Variants in GCM2 observed in about 807,000 individuals in gnomAD.
The protein encoded by GCM2 is chorion-specific transcription factor GCMb.
Under a neutral mutation model 24.8 loss-of-function variants are expected in GCM2, and 21 were observed. That is an observed-to-expected ratio of 0.85 (90% CI 0.60 to 1.22). The LOEUF is 1.22. Ranked by LOEUF, GCM2 falls within the 50% of genes most tolerant of loss-of-function variation. The pLI, the probability that GCM2 is intolerant of heterozygous loss-of-function variation, is 0.00. For synonymous variants in GCM2, 222 were observed against 238.0 expected (o/e 0.93, Z 0.62); for missense variants, 532 against 645.6 (o/e 0.82, Z 1.91).
Position 10,874,875 on chromosome 6 carries a change from G to T in GCM2, c.641C>A (p.Pro214Gln). The part of the protein sequence containing the change: ...HFSNIPPLEN[P>Q]EDFDIVTETS... The stretch of plus-strand genomic sequence containing the variant: ...TTCAGTAACTATATCAAAGTCTTCT[G>T]GATTTTCCAAGGGAGGTATGTTGCT... The change falls in exon 5 of 5, where the codon CCA becomes CAA. Residue 214 changes from proline to glutamine, a missense_variant. Pro to Gln is a moderately conservative substitution (Grantham distance 76, BLOSUM62 -1). Transcript: ENST00000379491. 1 of 1,614,026 alleles carries T rather than the reference G, an allele frequency of 6.2e-7. No homozygotes were observed. The highest frequency in any genetic ancestry group is 1.7e-5 in the Admixed American group (1 of 60,012).
In GCM2 at chr6:10,881,875, T is replaced by C. The variant is rs1023021725; in HGVS notation, c.-82A>G. 62 of 1,105,746 alleles carry C rather than the reference T, an allele frequency of 5.6e-5. 1 individual carries two copies. In the African/African-American group the frequency reaches 7.5e-4, roughly 13 times the overall value. The allele number at this position is 1,105,746 out of a possible 1,614,324, so 68.5% of individuals were successfully genotyped here. A position where few individuals can be genotyped will look rare whatever the true frequency, so the allele number is the denominator to read the frequency against. On this transcript the variant is annotated 5_prime_UTR_variant, in exon 1 of 5. Transcript: ENST00000379491. Reference sequence around the variant, plus strand: ...ACAGGTGCGCCAGGTGGGTTTTTTTTCTTCTCTTTAAAGAAGAAAGTGGGG... The same window carrying C: ...ACAGGTGCGCCAGGTGGGTTTTTTTCCTTCTCTTTAAAGAAGAAAGTGGGG...
intron 1 of GCM2, among the ~76,000 whole-genome samples, chr6:10,879,871 A>G (rs1355582543): frequency 1.3e-5 from 2 of 152,234 alleles, no homozygotes; most frequent in Non-Finnish European, 2.9e-5. Context: ...GAAGATGTAC[A>G]TGGACAGAAA....
At chr6:10,880,752 T>C (rs548675513) in intron 1 of GCM2, among the ~76,000 whole-genome samples, 2 of 152,332 alleles carry the variant, frequency 1.3e-5, no homozygotes, top group South Asian at 4.1e-4. Flanking sequence ...TTGCTTGTCA[T>C]TAGAGAAGAA....
intron 1 of GCM2, among the ~76,000 whole-genome samples, 192 bp downstream of exon 1, chr6:10,881,512 C>T (rs116663538): frequency 0.014 from 2,082 of 151,014 alleles, 52 homozygotes; most frequent in African/African-American, 0.047. Flanking sequence ...AGTTTTCTTT[C>T]TACACTTGAG....
Position 10,877,210 on chromosome 6 carries a change from G to C in GCM2, c.273C>G (p.Cys91Trp). 6.2e-7 allele frequency: 1 copy of C among 1,614,132 alleles called. No individual in the cohort carries two copies. ...GCAGGCGGGAACCGTCGGGCAGGGT[G>C]CAGGCCTGTGTACACACCACCACAC... Reference protein sequence around the residue: ...CLGVVVCTQACTLPDGSRLQL... With the variant: ...CLGVVVCTQAWTLPDGSRLQL... Residue 91 changes from cysteine to tryptophan, a missense_variant, in exon 2 of 5, where the codon TGC (cysteine) becomes TGG (tryptophan). By Grantham distance (215) the Cys-to-Trp change is radical (BLOSUM62 -2). Coordinates refer to ENST00000379491, the MANE Select transcript of GCM2 (RefSeq NM_004752.4).
intron 2 of GCM2, 32 bp downstream of exon 2, chr6:10,877,108 A>T (rs759962860): frequency 6.2e-7 from 1 of 1,606,478 alleles, no homozygotes. Flanking sequence ...CATGACTCCA[A>T]GGTCACCCTC....
Position 10,876,567 on chromosome 6 carries a change from C to T in GCM2, c.344-10G>A, listed in dbSNP as rs1779882706. 6.5e-7 allele frequency: 1 copy of T among 1,543,710 alleles called. No homozygotes were observed. Among genetic ancestry groups the T allele is most frequent in the South Asian group, 1.1e-5 (1 of 89,560 alleles). On this transcript the variant is annotated splice_polypyrimidine_tract_variant and intron_variant, in intron 2 of 4. Coordinates refer to ENST00000379491, the MANE Select transcript of GCM2 (RefSeq NM_004752.4). ...TTAGGGCATGCCTTCTCTGCAAAGC[C>T]CAGAAGGGAGAAATATTAACCCTGA... is the stretch of plus-strand genomic sequence containing the variant.
chr6:10,878,078 A>G (rs557504850), intron 1 of GCM2, among the ~76,000 whole-genome samples: 1 of 152,242 alleles, frequency 6.6e-6, no homozygotes, highest in Admixed American at 6.5e-5. Flanking sequence ...GACTTAAGCC[A>G]TGAGCTTTGG....
chr6:10,876,159 C>A, intron 3 of GCM2, 143 bp from the exon 4 acceptor site: 3 of 845,492 alleles, frequency 3.5e-6, no homozygotes, highest in Non-Finnish European at 5.9e-6. Context: ...AATTCTTGAA[C>A]AAATAAAACA....
intron 1 of GCM2, among the ~76,000 whole-genome samples, chr6:10,879,396 A>G (rs938234380): frequency 2.0e-5 from 3 of 152,172 alleles, no homozygotes; most frequent in Non-Finnish European, 4.4e-5. Context: ...CAGAGATTGT[A>G]TTTTTAAAAT....
At position 10,879,803 on chromosome 6, in the gene GCM2, C is replaced by T. The variant is rs1446583695; in HGVS notation, c.90+1901G>A. Among the ~76,000 whole-genome samples the T allele has an allele frequency of 3.9e-5, 6 of 152,272 alleles. No individual in the cohort carries two copies. In the South Asian group the frequency reaches 1.2e-3, roughly 32 times the overall value. ...TCTAGCAAATGCTTGAGAGATGAAC[C>T]ATAATTACATTACTTGGATGTGACT... On this transcript the variant is annotated intron_variant, in intron 1 of 4. Transcript: ENST00000379491.
chr6:10,877,482 C>A, intron 1 of GCM2, 90 bp from the exon 2 acceptor site: 2 of 1,366,240 alleles, frequency 1.5e-6, no homozygotes, highest in Non-Finnish European at 1.0e-6. Flanking sequence ...CATTAGGATA[C>A]AAACCAGTTC....
intron 1 of GCM2, among the ~76,000 whole-genome samples, chr6:10,881,074 G>A (rs1047028521): frequency 6.6e-6 from 1 of 152,246 alleles, no homozygotes; most frequent in African/African-American, 2.4e-5. Flanking sequence ...GGAATGTGGA[G>A]CCTGACCAAC....
chr6:10,876,468 C>G lies in GCM2; in HGVS notation c.433G>C (p.Asp145His), dbSNP rs1028183098. 4 of 1,613,086 alleles carry G rather than the reference C, an allele frequency of 2.5e-6. No homozygotes were observed. The African/African-American group carries it at 5.3e-5, about 21-fold the overall frequency. The change falls in exon 3 of 5, where the codon GAT (aspartate) becomes CAT (histidine). Residue 145 changes from aspartate to histidine, a missense_variant. Coordinates refer to ENST00000379491, the MANE Select transcript of GCM2 (RefSeq NM_004752.4). ...ACCTGAAAAAAGATCGCGTTGCCAT[C>G]AAGCCGCCAAAAGTTGGTTACGGGG... ...GYPVTNFWRL[D>H]GNAIFFQAKG...
At position 10,876,440 on chromosome 6, in the gene GCM2, C is replaced by T; in HGVS notation, c.456+5G>A. ...CATCACAAATTGTGTTCTCACCTGA[C>T]CTACCTGAAAAAAGATCGCGTTGCC... On this transcript the variant is annotated splice_donor_5th_base_variant and intron_variant, in intron 3 of 4. Coordinates refer to ENST00000379491, the MANE Select transcript of GCM2 (RefSeq NM_004752.4). The T allele has an allele frequency of 6.3e-7, 1 of 1,581,520 alleles. No individual in the cohort carries two copies. Among genetic ancestry groups the T allele is most frequent in the Non-Finnish European group, 8.7e-7 (1 of 1,150,232 alleles).
At chr6:10,876,295 G>T in intron 3 of GCM2, 150 bp downstream of exon 3, 1 of 719,356 alleles carries the variant, frequency 1.4e-6, no homozygotes, top group Non-Finnish European at 2.5e-6. Flanking sequence ...CTAGGCTCCC[G>T]CTAGGTCCCT....
Position 10,874,672 on chromosome 6 carries a change from A to G in GCM2, c.844T>C (p.Tyr282His). 1 of 1,614,150 alleles carries G rather than the reference A, an allele frequency of 6.2e-7. No individual in the cohort carries two copies. The highest frequency in any genetic ancestry group is 8.5e-7 in the Non-Finnish European group (1 of 1,180,010). The change falls in exon 5 of 5, where the codon TAT becomes CAT. Residue 282 changes from tyrosine to histidine, a missense_variant. Physicochemically the swap from Tyr to His is moderately conservative, Grantham distance 83. Coordinates refer to ENST00000379491, the MANE Select transcript of GCM2 (RefSeq NM_004752.4). ...PCSYELANPG[Y>H]TNSSPYPTLY... ...GTGGGATATGGGCTTGAATTTGTAT[A>G]ACCAGGGTTTGCCAATTCATAGCTG...
At chr6:10,876,164 A>T in intron 3 of GCM2, 148 bp from the exon 4 acceptor site, 1 of 825,254 alleles carries the variant, frequency 1.2e-6, no homozygotes, top group Non-Finnish European at 2.0e-6. Flanking sequence ...TTGAACAAAT[A>T]AAACAGGCTC....
intron 4 of GCM2, 142 bp downstream of exon 4, chr6:10,875,746 AATG>A: frequency 2.4e-6 from 2 of 819,432 alleles, no homozygotes; most frequent in Non-Finnish European, 4.0e-6. Flanking sequence ...ATGTTGATTT[AATG>A]ATATTTTGTT....
Sources: allele counts gnomAD v4.1 joint callset (sites outside exome capture counted in the v4.1 genomes callset), GRCh38; gene constraint gnomAD v4.1.1; transcripts MANE v1.5; gene names NCBI Gene and HGNC (gene_info 2026-07-23, HGNC 2026-07-21).